Variants in BRINP3 observed in about 807,000 individuals in gnomAD.
BRINP3 encodes the protein BMP/retinoic acid-inducible neural-specific protein 3.
A neutral mutation model predicts 71.0 loss-of-function variants in BRINP3; 19 were observed. The observed-to-expected ratio is 0.27, with a 90% CI of 0.19 to 0.39. The LOEUF (loss-of-function observed/expected upper bound fraction) is 0.39, where lower values mean the gene tolerates loss of function less well. Ranked by LOEUF, BRINP3 falls within the 10% of genes least tolerant of loss-of-function variation. The pLI is 1.00. For synonymous variants in BRINP3, 380 were observed against 337.7 expected, an observed-to-expected ratio of 1.13 and a Z score of -1.37; for missense variants, 959 against 940.8, an observed-to-expected ratio of 1.02 and a Z score of -0.25.
At chr1:190,170,416 C>T (rs564161992) in intron 6 of BRINP3, among the ~76,000 whole-genome samples, 9 of 152,068 alleles carry the variant, frequency 5.9e-5, no homozygotes, top group African/African-American at 2.2e-4. Flanking sequence ...TCTTAAATGT[C>T]GTAACCAATT....
intron 1 of BRINP3, among the ~76,000 whole-genome samples, chr1:190,463,782 A>G (rs1558309644): frequency 1.3e-5 from 2 of 152,010 alleles, no homozygotes; most frequent in Non-Finnish European, 2.9e-5. Flanking sequence ...ATTTCAGACA[A>G]CTTCAAATTG....
At chr1:190,254,521 T>C (rs531788979) in intron 4 of BRINP3, among the ~76,000 whole-genome samples, 1 of 152,282 alleles carries the variant, frequency 6.6e-6, no homozygotes, top group South Asian at 2.1e-4. Context: ...AGGTATTTTA[T>C]TCTCTTTTTA....
intron 3 of BRINP3, among the ~76,000 whole-genome samples, chr1:190,277,950 T>C (rs890987576): frequency 4.0e-5 from 6 of 151,718 alleles, no homozygotes; most frequent in Non-Finnish European, 7.4e-5. Flanking sequence ...AAATAATATA[T>C]ATTGAAGAAT....
intron 4 of BRINP3, among the ~76,000 whole-genome samples, chr1:190,259,112 A>C (rs1660939406): frequency 6.6e-6 from 1 of 152,008 alleles, no homozygotes; most frequent in Non-Finnish European, 1.5e-5. Flanking sequence ...CTTTCACAAA[A>C]TAGAAGTGGA....
At chr1:190,411,235 G>T (rs547569535) in intron 2 of BRINP3, among the ~76,000 whole-genome samples, 1 of 152,094 alleles carries the variant, frequency 6.6e-6, no homozygotes, top group African/African-American at 2.4e-5. Flanking sequence ...AGAGGACAAC[G>T]GGATATTTAT....
chr1:190,099,461 GA>G (rs1651502220), intron 7 of BRINP3, among the ~76,000 whole-genome samples: 1 of 152,108 alleles, frequency 6.6e-6, no homozygotes, highest in South Asian at 2.1e-4. Context: ...AGTGCACATG[GA>G]AGACCATTGT....
At chr1:190,384,611 C>G (rs182093245) in intron 2 of BRINP3, among the ~76,000 whole-genome samples, 1 of 151,942 alleles carries the variant, frequency 6.6e-6, no homozygotes, top group Non-Finnish European at 1.5e-5. Context: ...AAGCACTACT[C>G]CAAGTCTTTT....
intron 2 of BRINP3, among the ~76,000 whole-genome samples, chr1:190,388,193 C>T (rs1162397273): frequency 6.6e-6 from 1 of 151,698 alleles, no homozygotes; most frequent in East Asian, 1.9e-4. Flanking sequence ...AATTATGTTC[C>T]ATTTATGAAA....
intron 6 of BRINP3, among the ~76,000 whole-genome samples, chr1:190,209,120 GAATA>G (rs1655769485): frequency 1.3e-5 from 2 of 151,914 alleles, no homozygotes. Context: ...CTGTTTTACT[GAATA>G]AATAAATTAT....
At position 190,107,305 on chromosome 1, in the gene BRINP3, A is replaced by T. The variant is rs140094073; in HGVS notation, c.1185-8171T>A. Among the ~76,000 whole-genome samples the T allele has an allele frequency of 3.3e-4, 50 of 152,084 alleles. No homozygotes were observed. The East Asian group carries it at 9.3e-3, about 28-fold the overall frequency. ...TGACAACATCTAGCTGTCATTACTC[A>T]ATAACATATTTTCCACACTTAAAAA... On this transcript the variant is annotated intron_variant, in intron 7 of 7. Transcript: ENST00000367462.
At chr1:190,375,983 A>G (rs1670160189) in intron 2 of BRINP3, among the ~76,000 whole-genome samples, 1 of 152,042 alleles carries the variant, frequency 6.6e-6, no homozygotes, top group Non-Finnish European at 1.5e-5. Flanking sequence ...CATATATATT[A>G]TAGGCTTTTC....
At chr1:190,270,887 T>C (rs1007938643) in intron 3 of BRINP3, among the ~76,000 whole-genome samples, 2 of 151,718 alleles carry the variant, frequency 1.3e-5, no homozygotes, top group Non-Finnish European at 3.0e-5. Flanking sequence ...TTCAATGTTT[T>C]ATACACATTC....
chr1:190,273,138 A>G (rs780137100), intron 3 of BRINP3, among the ~76,000 whole-genome samples: 8 of 151,372 alleles, frequency 5.3e-5, no homozygotes, highest in Non-Finnish European at 1.0e-4. Context: ...ACCTGAGAAA[A>G]TGTATTCTCA....
At chr1:190,411,072 A>T (rs1279750295) in intron 2 of BRINP3, among the ~76,000 whole-genome samples, 1 of 152,168 alleles carries the variant, frequency 6.6e-6, no homozygotes, top group Non-Finnish European at 1.5e-5. Context: ...CCTTTTAGTA[A>T]TTAAGTAGGC....
chr1:190,375,401 T>G (rs983116877), intron 2 of BRINP3, among the ~76,000 whole-genome samples: 1 of 151,942 alleles, frequency 6.6e-6, no homozygotes, highest in Non-Finnish European at 1.5e-5. Context: ...CTTCAAAATG[T>G]AAAAATCATA....
At chr1:190,216,672 C>T (rs1447361638) in intron 6 of BRINP3, among the ~76,000 whole-genome samples, 2 of 151,874 alleles carry the variant, frequency 1.3e-5, no homozygotes, top group Non-Finnish European at 2.9e-5. Context: ...ATCCTATCTA[C>T]TGACTGAATT....
intron 7 of BRINP3, among the ~76,000 whole-genome samples, chr1:190,137,727 A>G (rs1655093626): frequency 6.6e-6 from 1 of 152,188 alleles, no homozygotes; most frequent in African/African-American, 2.4e-5. Flanking sequence ...ATTGGAGTGA[A>G]AGCCATTCTT....
At chr1:190,434,022 T>C (rs1674284142) in intron 2 of BRINP3, among the ~76,000 whole-genome samples, 1 of 152,178 alleles carries the variant, frequency 6.6e-6, no homozygotes, top group Non-Finnish European at 1.5e-5. Flanking sequence ...AAGACCACAC[T>C]AGGAGTAATA....
intron 3 of BRINP3, among the ~76,000 whole-genome samples, chr1:190,272,841 A>G (rs938583413): frequency 2.6e-5 from 4 of 151,538 alleles, no homozygotes; most frequent in Non-Finnish European, 4.4e-5. Context: ...GGCAACTTAA[A>G]TCTGCAGTTT....
Sources: allele counts gnomAD v4.1 joint callset (sites outside exome capture counted in the v4.1 genomes callset), GRCh38; gene constraint gnomAD v4.1.1; transcripts MANE v1.5; gene names NCBI Gene and HGNC (gene_info 2026-07-23, HGNC 2026-07-21).